Variants in STAG1 observed in about 807,000 individuals in gnomAD.
STAG1 encodes the protein cohesin subunit SA-1.
STAG1 carries 26 observed loss-of-function variants against 170.9 expected under a neutral mutation model. The ratio of observed to expected loss-of-function variants is 0.15; its 90% CI spans 0.11 to 0.21. STAG1 has a LOEUF of 0.21. Ranked by LOEUF, STAG1 falls within the 10% of genes least tolerant of loss-of-function variation. The pLI is 1.00. For missense variants in STAG1, 964 were observed against 1,509.5 expected, an observed-to-expected ratio of 0.64 and a Z score of 5.99; for synonymous variants, 514 against 497.7, an observed-to-expected ratio of 1.03 and a Z score of -0.44.
chr3:136,573,007 C>T (rs1937327294), intron 4 of STAG1, among the ~76,000 whole-genome samples: 1 of 152,046 alleles, frequency 6.6e-6, no homozygotes, highest in Admixed American at 6.6e-5. Flanking sequence ...GATACCCTCA[C>T]TCTACAAAAC....
At chr3:136,708,954 C>A (rs1943304984) in intron 1 of STAG1, among the ~76,000 whole-genome samples, 1 of 146,160 alleles carries the variant, frequency 6.8e-6, no homozygotes, top group Admixed American at 6.9e-5. Flanking sequence ...CAGGCATGTA[C>A]CACTGCAGCT....
chr3:136,341,772 A>G (rs1935979074), intron 30 of STAG1, among the ~76,000 whole-genome samples: 1 of 152,228 alleles, frequency 6.6e-6, no homozygotes, highest in African/African-American at 2.4e-5. Flanking sequence ...TGCTTAAACT[A>G]TCAACCAAAT....
At chr3:136,395,543 C>G (rs1478298330) in intron 22 of STAG1, among the ~76,000 whole-genome samples, 1 of 152,102 alleles carries the variant, frequency 6.6e-6, no homozygotes, top group Non-Finnish European at 1.5e-5. Context: ...ATCACTTGAA[C>G]CCGGGAGGTA....
chr3:136,695,737 T>TA (rs1942866871), intron 1 of STAG1, among the ~76,000 whole-genome samples: 1 of 151,218 alleles, frequency 6.6e-6, no homozygotes, highest in African/African-American at 2.4e-5. Context: ...CCCTCAAAAA[T>TA]TAAATCCAAA....
At chr3:136,376,935 C>T (rs376309757) in intron 23 of STAG1, among the ~76,000 whole-genome samples, 7 of 151,678 alleles carry the variant, frequency 4.6e-5, no homozygotes, top group Middle Eastern at 3.4e-3. Flanking sequence ...GGATTACAGG[C>T]GCCTGCCACC....
chr3:136,397,418 A>G (rs1345726559), intron 22 of STAG1, among the ~76,000 whole-genome samples: 2 of 151,852 alleles, frequency 1.3e-5, no homozygotes, highest in Non-Finnish European at 2.9e-5. Flanking sequence ...TACCACCATT[A>G]TAGAACACTT....
rs973194811 is a variant in STAG1 at position 136,369,035 on chromosome 3, T to C, written c.2545+73A>G. ...AATCTCGATAATTTTTAGAACTGAA[T>C]TTGTTTCTTTTCTCCTATCTTTTGG... On this transcript the variant is annotated intron_variant, in intron 24 of 33. Coordinates refer to ENST00000383202, the MANE Select transcript of STAG1 (RefSeq NM_005862.3). 8.3e-6 allele frequency: 11 copies of C among 1,320,672 alleles called. No homozygotes were observed. The African/African-American group carries it at 1.5e-4, about 18-fold the overall frequency. The allele number at this position is 1,320,672 out of a possible 1,614,324, so 81.8% of individuals were successfully genotyped here. A position where few individuals can be genotyped will look rare whatever the true frequency, so the allele number is the denominator to read the frequency against.
chr3:136,657,911 G>C (rs1244132630), intron 1 of STAG1, among the ~76,000 whole-genome samples: 1 of 152,144 alleles, frequency 6.6e-6, no homozygotes, highest in Non-Finnish European at 1.5e-5. Context: ...CTGTTGACTT[G>C]TTGTACTTTT....
In STAG1 at chr3:136,464,983, C is replaced by A. The variant is rs1470317933; in HGVS notation, c.1211G>T (p.Ser404Ile). 1 of 1,604,352 alleles carries A rather than the reference C, an allele frequency of 6.2e-7. No individual in the cohort carries two copies. Among genetic ancestry groups the A allele is most frequent in the South Asian group, 1.1e-5 (1 of 88,512 alleles). Residue 404 changes from serine to isoleucine, a missense_variant, in exon 13 of 34, where the codon AGT becomes ATT. Around this residue, in one of 11 missense-constraint regions of STAG1, gnomAD observed 162 missense variants for 211.2 expected, o/e 0.77. Coordinates refer to ENST00000383202, the MANE Select transcript of STAG1 (RefSeq NM_005862.3). The stretch of plus-strand genomic sequence containing the variant: ...GTCTTCATTGGAAAGAGCTTCTTCA[C>A]TTCCACTGAAAAATACAGAAAGTAA... ...IRLVTLILHG[S>I]EEALSNEDCE...
At chr3:136,523,779 T>A (rs1246462533) in intron 6 of STAG1, among the ~76,000 whole-genome samples, 1 of 152,186 alleles carries the variant, frequency 6.6e-6, no homozygotes, top group Non-Finnish European at 1.5e-5. Context: ...GTATAAAGTA[T>A]AAGGAAGGGA....
chr3:136,486,999 C>CAAAAAAA lies in STAG1; in HGVS notation c.903-9594_903-9588dup, dbSNP rs536392595. Reference sequence around the variant, plus strand: ...CAATGCCGATTTTTTTTTATTTCTTCAAAAAAAAAAAAAAAAAAAAAAAAA... The same window carrying CAAAAAAA: ...CAATGCCGATTTTTTTTTATTTCTTCAAAAAAAAAAAAAAAAAAAAAAAAAAAAAAAA... On this transcript the variant is annotated intron_variant, in intron 9 of 33. Transcript: ENST00000383202. Among the ~76,000 whole-genome samples the CAAAAAAA allele has an allele frequency of 1.6e-4, 9 of 54,662 alleles. 1 individual carries two copies. Among genetic ancestry groups the CAAAAAAA allele is most frequent in the African/African-American group, 7.3e-4 (8 of 10,888 alleles). 35.9% of individuals were successfully genotyped at this position (54,662 alleles called of 152,430 possible). A position where few individuals can be genotyped will look rare whatever the true frequency, so the allele number is the denominator to read the frequency against.
At chr3:136,430,613 T>C (rs534958783) in intron 16 of STAG1, among the ~76,000 whole-genome samples, 53 of 135,342 alleles carry the variant, frequency 3.9e-4, no homozygotes, top group Non-Finnish European at 5.6e-4. Flanking sequence ...CCACTAACGA[T>C]AGCTGAAGAG....
At chr3:136,565,077 G>A (rs1937018723) in intron 5 of STAG1, among the ~76,000 whole-genome samples, 1 of 66,070 alleles carries the variant, frequency 1.5e-5, no homozygotes, top group African/African-American at 5.5e-5. Context: ...AGGGAGGGAG[G>A]GAGGGAGGGA....
intron 1 of STAG1, among the ~76,000 whole-genome samples, chr3:136,658,810 T>C (rs982397472): frequency 6.6e-6 from 1 of 152,216 alleles, no homozygotes; most frequent in Admixed American, 6.5e-5. Flanking sequence ...AGATATATGT[T>C]ACTGTGCCAT....
At chr3:136,715,544 C>T (rs973813806) in intron 1 of STAG1, among the ~76,000 whole-genome samples, 11 of 151,502 alleles carry the variant, frequency 7.3e-5, no homozygotes, top group East Asian at 2.0e-4. Context: ...TTCTTGAACC[C>T]GGGAGGCAGA....
chr3:136,576,179 C>T (rs1209916508), intron 4 of STAG1, among the ~76,000 whole-genome samples: 1 of 152,144 alleles, frequency 6.6e-6, no homozygotes, highest in East Asian at 1.9e-4. Flanking sequence ...TACAAATGAG[C>T]TGAATCTATG....
At chr3:136,508,975 CA>C (rs1933915876) in intron 7 of STAG1, among the ~76,000 whole-genome samples, 1 of 152,190 alleles carries the variant, frequency 6.6e-6, no homozygotes, top group Non-Finnish European at 1.5e-5. Context: ...CAGACTGACA[CA>C]AAGGGTTCCT....
chr3:136,477,209 A>G (rs761923940), intron 10 of STAG1, 80 bp downstream of exon 10: 26 of 1,443,210 alleles, frequency 1.8e-5, no homozygotes, highest in Non-Finnish European at 2.4e-5. Flanking sequence ...TGAAAAATCA[A>G]CTACTGTCAT....
chr3:136,416,166 C>A (rs922728461), intron 21 of STAG1, among the ~76,000 whole-genome samples: 1 of 152,052 alleles, frequency 6.6e-6, no homozygotes, highest in East Asian at 1.9e-4. Flanking sequence ...CGCCACCGTG[C>A]CTGGCTAATT....
Sources: gnomAD v4.1 joint callset for allele counts (sites outside exome capture counted in the v4.1 genomes callset) on GRCh38, gnomAD v4.1.1 for gene constraint, gnomAD v4.1.1 regional missense constraint, MANE v1.5 for transcripts, NCBI Gene and HGNC (gene_info 2026-07-23, HGNC 2026-07-21) for gene names.